Variants in CDH8 observed in about 807,000 individuals in gnomAD.
CDH8 encodes cadherin-8.
CDH8 carries 17 observed loss-of-function variants against 68.1 expected under a neutral mutation model. That is an observed-to-expected ratio of 0.25 (90% CI 0.17 to 0.37). The LOEUF is 0.37. CDH8 is among the 10% of genes least tolerant of loss of function. CDH8 has a pLI of 1.00. For missense variants in CDH8, 763 were observed against 999.3 expected (o/e 0.76, Z 3.19); for synonymous variants, 372 against 365.1 (o/e 1.02, Z -0.21).
In CDH8 at chr16:61,820,026, C is replaced by A. The variant is rs544979636; in HGVS notation, c.1023+900G>T. 5.3e-5 allele frequency among the ~76,000 whole-genome samples: 8 copies of A among 152,174 alleles called. No homozygotes were observed. The South Asian group carries it at 1.7e-3, about 32-fold the overall frequency. ...ATGAGTGTAGGTATTATGATGAGAA[C>A]TATAAATGGAAAATGCTGTACAGAA... On this transcript the variant is annotated intron_variant, in intron 6 of 11. Transcript: ENST00000577390.
chr16:61,922,354 G>A (rs576941625), intron 2 of CDH8, among the ~76,000 whole-genome samples: 15 of 152,116 alleles, frequency 9.9e-5, no homozygotes, highest in African/African-American at 2.4e-4. Flanking sequence ...AGGAATTCGC[G>A]TTTACTGTAG....
chr16:61,677,386 T>A (rs1336694494), intron 10 of CDH8, among the ~76,000 whole-genome samples: 2 of 151,722 alleles, frequency 1.3e-5, no homozygotes, highest in African/African-American at 4.8e-5. Flanking sequence ...CCTCCAACTT[T>A]AATTATTTTG....
At position 61,965,656 on chromosome 16, in the gene CDH8, AAAGCAAGGACTAG is replaced by A. The variant is rs546724100; in HGVS notation, c.252+55483_252+55495del. 4.6e-4 allele frequency among the ~76,000 whole-genome samples: 70 copies of A among 152,320 alleles called. 1 individual carries two copies. In the South Asian group the frequency reaches 0.015, roughly 32 times the overall value. Reference sequence around the variant, plus strand: ...TTGATTCTAAATAAATGAAAGAACAAAAGCAAGGACTAGAAGAAACATATACACAAAAGCATTT... The same window carrying A: ...TTGATTCTAAATAAATGAAAGAACAAAAGAAACATATACACAAAAGCATTT... On this transcript the variant is annotated intron_variant, in intron 2 of 11. Coordinates refer to ENST00000577390, the MANE Select transcript of CDH8 (RefSeq NM_001796.5).
rs1964645000 is a variant in CDH8, at chr16:61,937,389, G to A, written c.253-35916C>T. ...ATCACTAGGAAAGACGCAGGTTTCT[G>A]TCATAGCAAAAATCAAACTGACAAA... On this transcript the variant is annotated intron_variant, in intron 2 of 11. Transcript: ENST00000577390. Among the ~76,000 whole-genome samples, 5 of 152,212 alleles carry A rather than the reference G, an allele frequency of 3.3e-5. No individual in the cohort carries two copies. The South Asian group carries it at 1.0e-3, about 32-fold the overall frequency.
At chr16:61,700,789 C>T (rs1397448441) in intron 10 of CDH8, among the ~76,000 whole-genome samples, 1 of 152,034 alleles carries the variant, frequency 6.6e-6, no homozygotes, top group Admixed American at 6.6e-5. Context: ...GAAAAGTACA[C>T]CTAGATAGCA....
At chr16:61,976,598 G>A (rs1194605441) in intron 2 of CDH8, among the ~76,000 whole-genome samples, 1 of 152,098 alleles carries the variant, frequency 6.6e-6, no homozygotes, top group East Asian at 1.9e-4. Flanking sequence ...GATTCTATGA[G>A]CTTTCTGATA....
intron 2 of CDH8, among the ~76,000 whole-genome samples, chr16:61,999,559 T>A (rs1965858649): frequency 6.6e-6 from 1 of 152,200 alleles, no homozygotes. Context: ...TTGCAGTGTA[T>A]CAGTTTCTTA....
intron 8 of CDH8, among the ~76,000 whole-genome samples, chr16:61,769,885 T>G (rs1201410676): frequency 6.6e-6 from 1 of 151,876 alleles, no homozygotes; most frequent in African/African-American, 2.4e-5. Context: ...GATTCCTGGA[T>G]TTTTTATTCC....
intron 2 of CDH8, among the ~76,000 whole-genome samples, chr16:61,947,167 A>AGT (rs2143567212): frequency 1.0e-5 from 1 of 99,822 alleles, no homozygotes; most frequent in South Asian, 2.9e-4. Context: ...TCTATACATG[A>AGT]ATATTATTTC....
intron 8 of CDH8, among the ~76,000 whole-genome samples, chr16:61,755,528 A>G (rs1353770390): frequency 6.6e-6 from 1 of 152,128 alleles, no homozygotes; most frequent in Non-Finnish European, 1.5e-5. Flanking sequence ...AGGGTGAATT[A>G]AACAATTTAA....
chr16:61,812,106 C>T (rs1254196204), intron 7 of CDH8, among the ~76,000 whole-genome samples: 1 of 152,038 alleles, frequency 6.6e-6, no homozygotes, highest in Admixed American at 6.6e-5. Context: ...ATGCTCCTTA[C>T]AGAAATTGAG....
intron 2 of CDH8, among the ~76,000 whole-genome samples, chr16:62,017,783 C>T (rs1462598739): frequency 2.0e-5 from 3 of 152,104 alleles, no homozygotes; most frequent in Admixed American, 1.3e-4. Context: ...AGTCATCTTA[C>T]TCTCTCCCCA....
At chr16:61,877,041 C>T (rs553530406) in intron 3 of CDH8, among the ~76,000 whole-genome samples, 1 of 152,198 alleles carries the variant, frequency 6.6e-6, no homozygotes, top group South Asian at 2.1e-4. Context: ...CTTTAAGAAA[C>T]CTGAAAGATA....
At chr16:62,009,382 C>T (rs1323977770) in intron 2 of CDH8, among the ~76,000 whole-genome samples, 2 of 152,156 alleles carry the variant, frequency 1.3e-5, no homozygotes, top group Non-Finnish European at 2.9e-5. Flanking sequence ...GAAGTCACTG[C>T]ACAGAGCTAA....
chr16:61,672,518 T>C (rs1213081957), intron 10 of CDH8, among the ~76,000 whole-genome samples: 2 of 152,066 alleles, frequency 1.3e-5, no homozygotes, highest in East Asian at 1.9e-4. Context: ...ATACATTTGT[T>C]ATTCCACCTA....
intron 10 of CDH8, among the ~76,000 whole-genome samples, chr16:61,656,267 A>G (rs570762640): frequency 4.7e-4 from 71 of 152,334 alleles, no homozygotes; most frequent in African/African-American, 1.6e-3. Flanking sequence ...TCATCACCTT[A>G]AAAATGCAAA....
intron 10 of CDH8, among the ~76,000 whole-genome samples, chr16:61,699,711 A>G (rs1276525031): frequency 6.6e-6 from 1 of 152,086 alleles, no homozygotes; most frequent in Non-Finnish European, 1.5e-5. Flanking sequence ...AGTAGTTGGG[A>G]TTACAGGCAC....
chr16:61,694,400 C>T (rs955444238), intron 10 of CDH8, among the ~76,000 whole-genome samples: 1 of 152,186 alleles, frequency 6.6e-6, no homozygotes, highest in African/African-American at 2.4e-5. Context: ...GAGCATTTTA[C>T]ATCATCAGTT....
At chr16:61,702,286 G>A (rs1964444917) in intron 10 of CDH8, among the ~76,000 whole-genome samples, 3 of 152,120 alleles carry the variant, frequency 2.0e-5, no homozygotes, top group Admixed American at 6.5e-5. Flanking sequence ...GCAGGAGAAT[G>A]GCGTGAGCCC....
Sources: gnomAD v4.1 joint callset for allele counts (sites outside exome capture counted in the v4.1 genomes callset) on GRCh38, gnomAD v4.1.1 for gene constraint, MANE v1.5 for transcripts, NCBI Gene and HGNC (gene_info 2026-07-23, HGNC 2026-07-21) for gene names.